Variants in CDH12 observed in about 807,000 individuals in gnomAD.
CDH12 encodes cadherin 12.
A neutral mutation model predicts 74.1 loss-of-function variants in CDH12; 41 were observed. The observed-to-expected ratio is 0.55, with a 90% CI of 0.43 to 0.72. The LOEUF is 0.72. Ranked by LOEUF, CDH12 falls within the 30% of genes least tolerant of loss-of-function variation. The pLI is 0.00. For missense variants in CDH12, 945 were observed against 977.2 expected (o/e 0.97, Z 0.44); for synonymous variants, 399 against 355.0 (o/e 1.12, Z -1.39).
At chr5:22,376,624 C>T (rs1402445918) in intron 3 of CDH12, among the ~76,000 whole-genome samples, 2 of 151,890 alleles carry the variant, frequency 1.3e-5, no homozygotes, top group East Asian at 1.9e-4. Context: ...TCAAACCGTC[C>T]TCCCACCTCA....
intron 1 of CDH12, among the ~76,000 whole-genome samples, chr5:22,524,964 C>G (rs1737205359): frequency 6.9e-6 from 1 of 144,210 alleles, no homozygotes; most frequent in Non-Finnish European, 1.5e-5. Context: ...TCCCCCCTCC[C>G]TCCACCCCAC....
intron 4 of CDH12, among the ~76,000 whole-genome samples, chr5:22,090,392 A>G (rs1743337215): frequency 6.6e-6 from 1 of 151,772 alleles, no homozygotes; most frequent in African/African-American, 2.4e-5. Flanking sequence ...AGCAATTTCA[A>G]AAACTTCCCA....
chr5:22,061,278 C>A (rs1443856445), intron 5 of CDH12, among the ~76,000 whole-genome samples: 4 of 152,048 alleles, frequency 2.6e-5, no homozygotes, highest in Non-Finnish European at 5.9e-5. Flanking sequence ...GATTAAATGT[C>A]AGGGGCAATA....
intron 6 of CDH12, among the ~76,000 whole-genome samples, chr5:21,908,279 A>G (rs1268943259): frequency 6.6e-6 from 1 of 152,234 alleles, no homozygotes; most frequent in East Asian, 1.9e-4. Flanking sequence ...CTGTGACAGC[A>G]ATTGTAACTG....
In CDH12 at chr5:22,788,746, AAT is replaced by A. The variant is rs533768360; in HGVS notation, c.-523+64310_-523+64311del. 8.8e-3 allele frequency among the ~76,000 whole-genome samples: 1,319 copies of A among 149,930 alleles called. 23 individuals are homozygous for A. The highest frequency in any genetic ancestry group is 0.031 in the African/African-American group (1,258 of 41,136). Reference sequence around the variant, plus strand: ...TATGTATAGTTATGTATTTATATAAAATATGTTATAATGTATATATTTTTTCT... The same window carrying A: ...TATGTATAGTTATGTATTTATATAAAATGTTATAATGTATATATTTTTTCT... On this transcript the variant is annotated intron_variant, in intron 1 of 14. Transcript: ENST00000382254.
intron 1 of CDH12, among the ~76,000 whole-genome samples, chr5:22,538,246 C>A (rs1303436990): frequency 6.6e-6 from 1 of 152,184 alleles, no homozygotes; most frequent in African/African-American, 2.4e-5. Flanking sequence ...TGATTGAAAA[C>A]TCTTTTTCAG....
chr5:22,648,082 T>C (rs1274902360), intron 1 of CDH12, among the ~76,000 whole-genome samples: 1 of 151,978 alleles, frequency 6.6e-6, no homozygotes, highest in South Asian at 2.1e-4. Context: ...GAGTGGTTCT[T>C]AATAAGCTTA....
chr5:22,221,440 A>C (rs952015846), intron 3 of CDH12, among the ~76,000 whole-genome samples: 1 of 151,864 alleles, frequency 6.6e-6, no homozygotes, highest in African/African-American at 2.4e-5. Flanking sequence ...GATAAAGATA[A>C]AAACTGATTT....
intron 5 of CDH12, among the ~76,000 whole-genome samples, chr5:22,048,150 G>A (rs1740094805): frequency 6.6e-6 from 1 of 152,142 alleles, no homozygotes; most frequent in Admixed American, 6.6e-5. Flanking sequence ...GATCTGGCAA[G>A]GTAGAAGTCT....
intron 6 of CDH12, among the ~76,000 whole-genome samples, chr5:21,894,809 T>C (rs1284913583): frequency 6.6e-6 from 1 of 152,100 alleles, no homozygotes; most frequent in Non-Finnish European, 1.5e-5. Flanking sequence ...AAATCTAACA[T>C]TATCCTTTAG....
At chr5:22,244,725 GAAAA>G (rs1752870454) in intron 3 of CDH12, among the ~76,000 whole-genome samples, 2 of 121,742 alleles carry the variant, frequency 1.6e-5, no homozygotes, top group Non-Finnish European at 3.4e-5. Flanking sequence ...GAGAGAGAAA[GAAAA>G]AGAAAGAAAG....
At position 22,068,816 on chromosome 5, in the gene CDH12, C is replaced by T. The variant is rs148717279; in HGVS notation, c.231+9630G>A. Among the ~76,000 whole-genome samples, 491 of 152,298 alleles carry T rather than the reference C, an allele frequency of 3.2e-3. 2 individuals carry two copies. Among genetic ancestry groups the T allele is most frequent in the Non-Finnish European group, 5.2e-3 (352 of 68,022 alleles). ...AGCAGCCACTCCTGTCATCATTCAA[C>T]GTGCTCATAAATAAAGGGGCCATGT... On this transcript the variant is annotated intron_variant, in intron 5 of 14. Transcript: ENST00000382254.
At chr5:22,024,263 C>T (rs1738192447) in intron 5 of CDH12, among the ~76,000 whole-genome samples, 1 of 152,052 alleles carries the variant, frequency 6.6e-6, no homozygotes, top group South Asian at 2.1e-4. Context: ...GAATGCTACC[C>T]AATAATCCTT....
chr5:22,796,948 T>C (rs1748256995), intron 1 of CDH12, among the ~76,000 whole-genome samples: 1 of 152,136 alleles, frequency 6.6e-6, no homozygotes, highest in Non-Finnish European at 1.5e-5. Context: ...TGACTCTGTG[T>C]CTAATCTCAC....
intron 1 of CDH12, among the ~76,000 whole-genome samples, chr5:22,801,513 C>A (rs549415663): frequency 1.3e-5 from 2 of 151,392 alleles, no homozygotes; most frequent in Non-Finnish European, 2.9e-5. Flanking sequence ...CTCCAGCTGA[C>A]GAATTTGTCT....
chr5:22,306,331 A>G (rs1208669803), intron 3 of CDH12, among the ~76,000 whole-genome samples: 1 of 152,012 alleles, frequency 6.6e-6, no homozygotes, highest in Non-Finnish European at 1.5e-5. Context: ...CTTGTGGTAT[A>G]AGGAAAAAAA....
intron 3 of CDH12, among the ~76,000 whole-genome samples, chr5:22,367,263 A>G (rs1741076045): frequency 1.3e-5 from 2 of 152,108 alleles, no homozygotes; most frequent in Non-Finnish European, 1.5e-5. Flanking sequence ...GTCCTTCCTT[A>G]CAGCAATTTG....
intron 2 of CDH12, among the ~76,000 whole-genome samples, chr5:22,463,687 A>G (rs878866452): frequency 6.6e-6 from 1 of 152,190 alleles, no homozygotes; most frequent in African/African-American, 2.4e-5. Context: ...GAAGTCTTTT[A>G]ATTATAAATC....
chr5:21,979,529 G>A (rs2150126040), intron 5 of CDH12, among the ~76,000 whole-genome samples: 1 of 152,224 alleles, frequency 6.6e-6, no homozygotes, highest in East Asian at 1.9e-4. Flanking sequence ...AAAGTTAAAT[G>A]TTTACTAGCA....
Sources: allele counts gnomAD v4.1 joint callset (sites outside exome capture counted in the v4.1 genomes callset), GRCh38; gene constraint gnomAD v4.1.1; transcripts MANE v1.5; gene names NCBI Gene and HGNC (gene_info 2026-07-23, HGNC 2026-07-21).